Variants in TBC1D22A observed in about 807,000 individuals in gnomAD.
TBC1D22A encodes the protein putative GTPase activator.
A neutral mutation model predicts 60.2 loss-of-function variants in TBC1D22A; 38 were observed. The observed-to-expected ratio is 0.63, with a 90% CI of 0.49 to 0.83. The LOEUF (loss-of-function observed/expected upper bound fraction) is 0.83. Ranked by LOEUF, TBC1D22A falls within the 40% of genes least tolerant of loss-of-function variation. TBC1D22A has a pLI of 0.00. For missense variants in TBC1D22A, 628 were observed against 701.0 expected (o/e 0.90, Z 1.18); for synonymous variants, 302 against 281.7 (o/e 1.07, Z -0.72).
intron 12 of TBC1D22A, among the ~76,000 whole-genome samples, chr22:47,137,736 G>A (rs1177268288): frequency 6.6e-6 from 1 of 152,206 alleles, no homozygotes; most frequent in Non-Finnish European, 1.5e-5. Context: ...AAGGGTGGGC[G>A]CAAGTGGGAA....
intron 4 of TBC1D22A, among the ~76,000 whole-genome samples, chr22:46,836,522 C>CAA (rs532608262): frequency 5.6e-5 from 8 of 142,018 alleles, no homozygotes; most frequent in African/African-American, 2.1e-4. Context: ...CATGCTATTA[C>CAA]AAAAAAAAAA....
At chr22:46,847,501 T>TA (rs1177118418) in intron 4 of TBC1D22A, among the ~76,000 whole-genome samples, 2 of 152,230 alleles carry the variant, frequency 1.3e-5, no homozygotes, top group African/African-American at 4.8e-5. Flanking sequence ...TGATCATTGT[T>TA]ACGCATTCTG....
chr22:46,836,065 A>G (rs1270604862), intron 4 of TBC1D22A, among the ~76,000 whole-genome samples: 1 of 152,260 alleles, frequency 6.6e-6, no homozygotes, highest in East Asian at 1.9e-4. Flanking sequence ...CTTTAAAAGA[A>G]CTATGAAAGG....
At chr22:46,895,574 G>T (rs1014032595) in intron 7 of TBC1D22A, among the ~76,000 whole-genome samples, 2 of 152,130 alleles carry the variant, frequency 1.3e-5, no homozygotes, top group East Asian at 1.9e-4. Flanking sequence ...GATTTGCCTT[G>T]TTGGCCAGGC....
At chr22:47,097,016 G>A (rs114174637) in intron 11 of TBC1D22A, among the ~76,000 whole-genome samples, 115 of 70,168 alleles carry the variant, frequency 1.6e-3, no homozygotes, top group African/African-American at 5.4e-3. Flanking sequence ...CTTCTGGCTG[G>A]CACTGCTGTG....
chr22:47,036,927 G>C, intron 10 of TBC1D22A, 144 bp from the exon 11 acceptor site: 1 of 866,042 alleles, frequency 1.2e-6, no homozygotes, highest in Non-Finnish European at 1.8e-6. Context: ...TCAGTTCTTT[G>C]CTCCTTGGGG....
intron 12 of TBC1D22A, among the ~76,000 whole-genome samples, chr22:47,132,806 G>A (rs1037435103): frequency 1.3e-5 from 2 of 152,238 alleles, no homozygotes; most frequent in Admixed American, 6.5e-5. Context: ...GTTTGCTGGG[G>A]ATGCAGGAAA....
At chr22:47,083,568 T>TCCTCAGTGAGGCTGC (rs1225163995) in intron 11 of TBC1D22A, among the ~76,000 whole-genome samples, 6 of 152,084 alleles carry the variant, frequency 3.9e-5, no homozygotes, top group Admixed American at 3.9e-4. Context: ...GAGGGCGCCG[T>TCCTCAGTGAGGCTGC]CCTCAGTGAG....
intron 4 of TBC1D22A, among the ~76,000 whole-genome samples, chr22:46,831,961 C>T (rs1334001197): frequency 1.3e-5 from 2 of 151,984 alleles, no homozygotes; most frequent in Non-Finnish European, 2.9e-5. Flanking sequence ...GTCCTTTCCC[C>T]CCTCATTATT....
intron 10 of TBC1D22A, 89 bp from the exon 11 acceptor site, chr22:47,036,982 C>A: frequency 6.5e-7 from 1 of 1,545,570 alleles, no homozygotes; most frequent in Non-Finnish European, 8.8e-7. Context: ...CTGAGGCGGG[C>A]GCAGGCCCTT....
chr22:46,996,736 T>C (rs1046505058), intron 9 of TBC1D22A, among the ~76,000 whole-genome samples: 6 of 152,192 alleles, frequency 3.9e-5, no homozygotes, highest in Non-Finnish European at 7.3e-5. Flanking sequence ...CCCTTGTTGA[T>C]GGGAGCTGCC....
chr22:46,894,941 C>T (rs1246116035), intron 7 of TBC1D22A, 95 bp downstream of exon 7: 1 of 1,399,094 alleles, frequency 7.1e-7, no homozygotes. Context: ...GGTGCTTCAC[C>T]CAGAAGCAAG....
At chr22:46,859,758 C>T (rs540104172) in intron 4 of TBC1D22A, among the ~76,000 whole-genome samples, 8 of 192 alleles carry the variant, frequency 0.042, no homozygotes, top group Non-Finnish European at 0.052. Context: ...CGCGCAGTGC[C>T]GTGCCCCTTC....
intron 8 of TBC1D22A, among the ~76,000 whole-genome samples, chr22:46,959,991 G>T (rs2073409918): frequency 6.6e-6 from 1 of 152,148 alleles, no homozygotes; most frequent in African/African-American, 2.4e-5. Flanking sequence ...GCCCAAACCT[G>T]CATCAGCTAA....
At chr22:46,820,677 A>G (rs886814922) in intron 4 of TBC1D22A, among the ~76,000 whole-genome samples, 1 of 152,240 alleles carries the variant, frequency 6.6e-6, no homozygotes, top group Non-Finnish European at 1.5e-5. Context: ...AATAAGCGCC[A>G]TGTGGCACTG....
intron 12 of TBC1D22A, chr22:47,117,326 A>G (rs2066105732): frequency 6.2e-6 from 1 of 161,172 alleles, no homozygotes; most frequent in African/African-American, 2.5e-5. Context: ...GAGCAGGGAG[A>G]GTCACCCCAC....
intron 1 of TBC1D22A, among the ~76,000 whole-genome samples, chr22:46,789,884 C>T (rs1468311282): frequency 2.0e-5 from 3 of 152,174 alleles, no homozygotes; most frequent in Non-Finnish European, 4.4e-5. Context: ...AAGGATTGAA[C>T]TAGCACACGG....
At chr22:46,974,567 G>A (rs562192839) in intron 9 of TBC1D22A, among the ~76,000 whole-genome samples, 168 bp downstream of exon 9, 1 of 152,312 alleles carries the variant, frequency 6.6e-6, no homozygotes, top group South Asian at 2.1e-4. Context: ...GACGAGGGGT[G>A]AGACACAGTG....
intron 11 of TBC1D22A, among the ~76,000 whole-genome samples, chr22:47,060,455 G>C (rs1316740271): frequency 6.6e-6 from 1 of 151,820 alleles, no homozygotes; most frequent in Non-Finnish European, 1.5e-5. Flanking sequence ...TTCTGAGATG[G>C]AGTCTCGCTC....
Sources: allele counts gnomAD v4.1 joint callset (sites outside exome capture counted in the v4.1 genomes callset), GRCh38; gene constraint gnomAD v4.1.1; transcripts MANE v1.5; gene names NCBI Gene and HGNC (gene_info 2026-07-23, HGNC 2026-07-21).